EDIL3: variants seen among roughly 807,000 people sequenced by gnomAD.
EDIL3 encodes the protein EGF-like repeat and discoidin I-like domain-containing protein 3.
EDIL3 carries 37 observed loss-of-function variants against 67.4 expected under a neutral mutation model. The ratio of observed to expected loss-of-function variants is 0.55; its 90% CI spans 0.42 to 0.72. The LOEUF (loss-of-function observed/expected upper bound fraction) is 0.72. Ranked by LOEUF, EDIL3 falls within the 30% of genes least tolerant of loss-of-function variation. The pLI, the probability that EDIL3 is intolerant of heterozygous loss-of-function variation, is 0.00. For synonymous variants in EDIL3, 195 were observed against 196.3 expected, an observed-to-expected ratio of 0.99 and a Z score of 0.05; for missense variants, 527 against 586.3, an observed-to-expected ratio of 0.90 and a Z score of 1.04.
Position 84,037,992 on chromosome 5 carries a change from T to G in EDIL3, c.1137+22308A>C, listed in dbSNP as rs1224880886. The stretch of plus-strand genomic sequence containing the variant: ...CTTTTCTTTTCTTTCTTTCTTGTTT[T>G]TTTTTTTTTTTTTTTTTTTGAGACA... On this transcript the variant is annotated intron_variant, in intron 9 of 10. Transcript: ENST00000296591. Among the ~76,000 whole-genome samples, 7 of 89,310 alleles carry G rather than the reference T, an allele frequency of 7.8e-5. 1 individual carries two copies. Among genetic ancestry groups the G allele is most frequent in the African/African-American group, 1.1e-4 (3 of 27,186 alleles). 58.6% of individuals were successfully genotyped at this position (89,310 alleles called of 152,430 possible).
In EDIL3 at chr5:84,058,838, C is replaced by T. The variant is rs560259391; in HGVS notation, c.1137+1462G>A. On this transcript the variant is annotated intron_variant, in intron 9 of 10. Coordinates refer to ENST00000296591, the MANE Select transcript of EDIL3 (RefSeq NM_005711.5). ...TGATGCTTTCTAGGTTCATCACAAA[C>T]ATTTGTTAAATAAATAATTTAATTT... 7.9e-5 allele frequency among the ~76,000 whole-genome samples: 12 copies of T among 152,252 alleles called. No individual in the cohort carries two copies. In the East Asian group the frequency reaches 2.3e-3, roughly 29 times the overall value.
chr5:84,377,969 T>G (rs1028065760), intron 1 of EDIL3, among the ~76,000 whole-genome samples: 1 of 152,236 alleles, frequency 6.6e-6, no homozygotes, highest in Non-Finnish European at 1.5e-5. Flanking sequence ...TAATAATGCA[T>G]ATTTTAAAAC....
At chr5:84,080,043 G>A (rs1214022832) in intron 6 of EDIL3, among the ~76,000 whole-genome samples, 2 of 148,220 alleles carry the variant, frequency 1.3e-5, no homozygotes, top group Admixed American at 6.8e-5. Flanking sequence ...AGGCCGAGGC[G>A]GGCGGATCAT....
chr5:84,106,642 C>A lies in EDIL3; in HGVS notation c.651+7G>T. 2 of 1,596,260 alleles carry A rather than the reference C, an allele frequency of 1.3e-6. No homozygotes were observed. The highest frequency in any genetic ancestry group is 1.7e-6 in the Non-Finnish European group (2 of 1,173,564). ...TAACATTAACCTTGTCCCATCCCAT[C>A]TGTTACCTGAATCCACGGCCATCTG... is the stretch of plus-strand genomic sequence containing the variant. On this transcript the variant is annotated splice_region_variant and intron_variant, in intron 6 of 10. Transcript: ENST00000296591.
intron 9 of EDIL3, among the ~76,000 whole-genome samples, chr5:83,970,368 T>G (rs1374709187): frequency 2.0e-5 from 3 of 148,184 alleles, no homozygotes; most frequent in African/African-American, 7.4e-5. Flanking sequence ...GTATCATATG[T>G]GGTTTCTGTT....
chr5:84,092,065 A>G (rs1197315222), intron 6 of EDIL3, among the ~76,000 whole-genome samples: 1 of 152,188 alleles, frequency 6.6e-6, no homozygotes, highest in East Asian at 1.9e-4. Flanking sequence ...CCTAAGTGCC[A>G]GAAATAGGGA....
chr5:84,072,479 A>G (rs931110861), intron 6 of EDIL3, among the ~76,000 whole-genome samples: 1 of 152,188 alleles, frequency 6.6e-6, no homozygotes, highest in Non-Finnish European at 1.5e-5. Context: ...ATGGAGAACT[A>G]GGCATGTTTA....
At chr5:84,129,422 A>T (rs971281419) in intron 5 of EDIL3, among the ~76,000 whole-genome samples, 1 of 152,054 alleles carries the variant, frequency 6.6e-6, no homozygotes, top group Admixed American at 6.6e-5. Flanking sequence ...TTATAGGTAG[A>T]TTTTAAATGT....
Position 84,151,297 on chromosome 5 carries a change from C to A in EDIL3, c.356-13943G>T, listed in dbSNP as rs911018959. On this transcript the variant is annotated intron_variant, in intron 4 of 10. Coordinates refer to ENST00000296591, the MANE Select transcript of EDIL3 (RefSeq NM_005711.5). Reference sequence around the variant, plus strand: ...CACACACACACACACACACACACACCCCGACACTCCATGACAATAAAAGGC... The same window carrying A: ...CACACACACACACACACACACACACACCGACACTCCATGACAATAAAAGGC... 3.5e-5 allele frequency among the ~76,000 whole-genome samples: 5 copies of A among 144,892 alleles called. No homozygotes were observed. In the East Asian group the frequency reaches 6.1e-4, roughly 18 times the overall value.
chr5:83,943,692 C>A, intron 10 of EDIL3, 124 bp from the exon 11 acceptor site: 2 of 1,074,558 alleles, frequency 1.9e-6, no homozygotes, highest in Non-Finnish European at 2.6e-6. Context: ...TTCTTTTCTT[C>A]AAAATATATT....
intron 10 of EDIL3, among the ~76,000 whole-genome samples, chr5:83,952,623 T>C (rs1026193812): frequency 6.6e-6 from 1 of 151,832 alleles, no homozygotes; most frequent in Non-Finnish European, 1.5e-5. Flanking sequence ...TCCTCTTTTC[T>C]ATAAAAGTAC....
intron 10 of EDIL3, among the ~76,000 whole-genome samples, chr5:83,957,887 C>G (rs1009850890): frequency 6.6e-6 from 1 of 151,538 alleles, no homozygotes; most frequent in African/African-American, 2.4e-5. Context: ...AATCTGCCAA[C>G]TGAATACACA....
Position 84,154,796 on chromosome 5 carries a change from T to TTCAAGCGA in EDIL3, c.356-17450_356-17443dup, listed in dbSNP as rs549919640. Among the ~76,000 whole-genome samples, 64 of 149,452 alleles carry TTCAAGCGA rather than the reference T, an allele frequency of 4.3e-4. 1 individual carries two copies. In the East Asian group the frequency reaches 0.012, roughly 28 times the overall value. ...CTCACCGCAACCTCTGCCTCCCAGG[T>TTCAAGCGA]TCAAGCGATTCTCCTGCCTCAGCCT... On this transcript the variant is annotated intron_variant, in intron 4 of 10. Transcript: ENST00000296591.
At chr5:84,381,954 A>G (rs1748085178) in intron 1 of EDIL3, among the ~76,000 whole-genome samples, 1 of 152,216 alleles carries the variant, frequency 6.6e-6, no homozygotes, top group Non-Finnish European at 1.5e-5. Flanking sequence ...TCTAAGAGAC[A>G]TGAGATTAAT....
At chr5:84,151,248 TACACACACACGCACATACACACAC>T (rs1226114384) in intron 4 of EDIL3, among the ~76,000 whole-genome samples, 4 of 145,922 alleles carry the variant, frequency 2.7e-5, no homozygotes, top group African/African-American at 7.8e-5. Flanking sequence ...AAGAACTGCA[TACACACACACGCACATACACACAC>T]ACACACACAC....
chr5:84,210,013 A>G (rs1229415374), intron 3 of EDIL3, among the ~76,000 whole-genome samples: 14 of 152,234 alleles, frequency 9.2e-5, no homozygotes, highest in Admixed American at 7.8e-4. Flanking sequence ...CTTTTTAAAG[A>G]AAGTTTTCAA....
intron 9 of EDIL3, among the ~76,000 whole-genome samples, chr5:83,991,477 C>A (rs1324708829): frequency 6.6e-6 from 1 of 152,150 alleles, no homozygotes; most frequent in African/African-American, 2.4e-5. Flanking sequence ...TATGATCACA[C>A]CTCTTACTTT....
At chr5:84,074,184 T>G (rs1479501862) in intron 6 of EDIL3, among the ~76,000 whole-genome samples, 1 of 149,302 alleles carries the variant, frequency 6.7e-6, no homozygotes, top group Non-Finnish European at 1.5e-5. Context: ...TTACACCTTA[T>G]ACAAAAATTA....
chr5:84,205,501 C>T (rs912396213), intron 3 of EDIL3, among the ~76,000 whole-genome samples: 3 of 152,172 alleles, frequency 2.0e-5, no homozygotes, highest in Non-Finnish European at 4.4e-5. Flanking sequence ...GCTGTGTCCA[C>T]TTGAAAAACT....
Sources: allele counts gnomAD v4.1 joint callset (sites outside exome capture counted in the v4.1 genomes callset), GRCh38; gene constraint gnomAD v4.1.1; transcripts MANE v1.5; gene names NCBI Gene and HGNC (gene_info 2026-07-23, HGNC 2026-07-21).